FGFR2: variants seen among roughly 807,000 people sequenced by gnomAD.
FGFR2 encodes the protein fibroblast growth factor receptor 2.
In FGFR2, 19 loss-of-function variants were observed where a neutral mutation model predicts 95.9. That is an observed-to-expected ratio of 0.20 (90% CI 0.14 to 0.29). The LOEUF (loss-of-function observed/expected upper bound fraction) is 0.29. Ranked by LOEUF, FGFR2 falls within the 10% of genes least tolerant of loss-of-function variation. The pLI, the probability that FGFR2 is intolerant of heterozygous loss-of-function variation, is 1.00. For synonymous variants in FGFR2, 392 were observed against 393.3 expected (o/e 1.00, Z 0.04); for missense variants, 707 against 1,056.9 (o/e 0.67, Z 4.59).
Position 121,485,598 on chromosome 10 carries a change from A to C in FGFR2, c.2058-66T>G. On this transcript the variant is annotated intron_variant, in intron 15 of 17. Coordinates refer to ENST00000358487, the MANE Select transcript of FGFR2 (RefSeq NM_000141.5). The surrounding 1 kb of genome is among the most constrained non-coding windows in gnomAD (Gnocchi z 4.2). ...ACGTTGCCAAAACCTAAACACGCCC[A>C]GCTGAGACATAAACACCTCCTCACT... is the stretch of plus-strand genomic sequence containing the variant. 6.2e-7 allele frequency: 1 copy of C among 1,609,528 alleles called. No homozygotes were observed. The highest frequency in any genetic ancestry group is 8.5e-7 in the Non-Finnish European group (1 of 1,176,942).
At chr10:121,524,109 C>G (rs976721217) in intron 6 of FGFR2, among the ~76,000 whole-genome samples, 2 of 81,424 alleles carry the variant, frequency 2.5e-5, no homozygotes, top group Non-Finnish European at 7.0e-5. Context: ...TATACACACA[C>G]ACACACACAC....
At chr10:121,589,205 C>T (rs966927592) in intron 2 of FGFR2, among the ~76,000 whole-genome samples, 5 of 152,162 alleles carry the variant, frequency 3.3e-5, no homozygotes, top group African/African-American at 9.7e-5. Flanking sequence ...GACTAAAATT[C>T]GCTTCCATGG....
In FGFR2 at chr10:121,593,795, A is replaced by C. The variant is rs147307031; in HGVS notation, c.23T>G (p.Ile8Ser). The C allele has an allele frequency of 1.8e-4, 292 of 1,614,216 alleles. 2 individuals carry two copies. The African/African-American group carries it at 3.6e-3, about 20-fold the overall frequency. Residue 8 changes from isoleucine (I) to serine (S), a missense_variant, in exon 2 of 18, where the codon ATC becomes AGC. Physicochemically the swap from Ile to Ser is moderately radical, Grantham distance 142. Transcript: ENST00000358487. The part of the protein sequence containing the change: MVSWGRF[I>S]CLVVVTMATL... ...TGCCATGGTGACCACGACCAGGCAG[A>C]TGAAACGACCCCAGCTGACCATGGT...
At chr10:121,568,064 T>C (rs1033081714) in intron 2 of FGFR2, among the ~76,000 whole-genome samples, 1 of 152,136 alleles carries the variant, frequency 6.6e-6, no homozygotes, top group Non-Finnish European at 1.5e-5. Flanking sequence ...ATTGAGTGAC[T>C]AATAGAAATA....
At chr10:121,572,399 T>A (rs1205999072) in intron 2 of FGFR2, among the ~76,000 whole-genome samples, 1 of 152,044 alleles carries the variant, frequency 6.6e-6, no homozygotes, top group African/African-American at 2.4e-5. Flanking sequence ...AGCGAGTGGA[T>A]CACCTGAGAT....
At chr10:121,499,529 A>G (rs1333531106) in intron 11 of FGFR2, among the ~76,000 whole-genome samples, 3 of 152,270 alleles carry the variant, frequency 2.0e-5, no homozygotes, top group Admixed American at 6.5e-5. Context: ...ACACGCCACA[A>G]TGGCTTGGGG....
chr10:121,589,831 T>C (rs544179593), intron 2 of FGFR2, among the ~76,000 whole-genome samples: 1 of 152,244 alleles, frequency 6.6e-6, no homozygotes, highest in African/African-American at 2.4e-5. Context: ...TACAGTCAAC[T>C]CTTAAATATT....
At chr10:121,591,805 A>G (rs757342403) in intron 2 of FGFR2, among the ~76,000 whole-genome samples, 59 of 152,314 alleles carry the variant, frequency 3.9e-4, no homozygotes, top group Non-Finnish European at 4.6e-4. Flanking sequence ...TTCCTGATCC[A>G]TAAGTGCATC....
chr10:121,544,399 GCA>G (rs1233986521), intron 5 of FGFR2, among the ~76,000 whole-genome samples: 1 of 147,806 alleles, frequency 6.8e-6, no homozygotes, highest in East Asian at 2.0e-4. Flanking sequence ...AGCCAAGGTT[GCA>G]CCACTGCACT....
rs79714551 is a variant in FGFR2 at position 121,492,221 on chromosome 10, G to T, written c.1864-4108C>A. 4.4e-3 allele frequency among the ~76,000 whole-genome samples: 665 copies of T among 152,276 alleles called. 11 individuals are homozygous for T. The East Asian group carries it at 0.045, about 10-fold the overall frequency. The stretch of plus-strand genomic sequence containing the variant: ...ACTGCTCAGGTTTAACACTTTGAGG[G>T]TTAACTGGGTTTGGGATTTGGTTAA... On this transcript the variant is annotated intron_variant, in intron 13 of 17. Transcript: ENST00000358487.
At position 121,480,021 on chromosome 10, in the gene FGFR2, C is replaced by T. The variant is rs763622845; in HGVS notation, c.2302G>A (p.Glu768Lys). ...AGAGGTTGGCTGAGGTCCAAGTATT[C>T]CTGAAAGAAGGGAAGAGAGACGTTT... is the stretch of plus-strand genomic sequence containing the variant. ...DRILTLTTNE[E>K]YLDLSQPLEQ... Residue 768 changes from glutamate (E) to lysine (K), a missense_variant and splice_region_variant, in exon 18 of 18, where the codon GAA becomes AAA. By Grantham distance (56) the Glu-to-Lys change is moderately conservative. Coordinates refer to ENST00000358487, the MANE Select transcript of FGFR2 (RefSeq NM_000141.5). 5 of 1,613,738 alleles carry T rather than the reference C, an allele frequency of 3.1e-6. No homozygotes were observed. In the South Asian group the frequency reaches 5.5e-5, roughly 18 times the overall value.
chr10:121,520,689 C>G (rs568480224), intron 6 of FGFR2, among the ~76,000 whole-genome samples: 2 of 152,290 alleles, frequency 1.3e-5, no homozygotes, highest in South Asian at 4.1e-4. Flanking sequence ...ATTGCCCAGG[C>G]TGGAGTGCAG....
rs1276804446 is a variant in FGFR2 at position 121,582,042 on chromosome 10, C to T, written c.109+11667G>A. 2.0e-5 allele frequency among the ~76,000 whole-genome samples: 3 copies of T among 151,964 alleles called. No homozygotes were observed. In the East Asian group the frequency reaches 5.8e-4, roughly 29 times the overall value. On this transcript the variant is annotated intron_variant, in intron 2 of 17. Coordinates refer to ENST00000358487, the MANE Select transcript of FGFR2 (RefSeq NM_000141.5). The stretch of plus-strand genomic sequence containing the variant: ...CTGCCTCCCAGGTTCAAAGATTCTC[C>T]TGCCTCCGCCCCCCAAGTACCTGGG...
chr10:121,485,549 A>G lies in FGFR2; in HGVS notation c.2058-17T>C. On this transcript the variant is annotated splice_polypyrimidine_tract_variant and intron_variant, in intron 15 of 17. Coordinates refer to ENST00000358487, the MANE Select transcript of FGFR2 (RefSeq NM_000141.5). The surrounding 1 kb of genome is among the most constrained non-coding windows in gnomAD (Gnocchi z 4.2). The stretch of plus-strand genomic sequence containing the variant: ...AAGGACCAGCTGCAACAAAAGGAGA[A>G]AGCACGGCATTACTAACCCATCCAC... 2 of 1,614,080 alleles carry G rather than the reference A, an allele frequency of 1.2e-6. No homozygotes were observed. The highest frequency in any genetic ancestry group is 1.7e-6 in the Non-Finnish European group (2 of 1,179,978).
At chr10:121,524,702 G>A (rs1409745054) in intron 6 of FGFR2, among the ~76,000 whole-genome samples, 1 of 152,232 alleles carries the variant, frequency 6.6e-6, no homozygotes, top group African/African-American at 2.4e-5. Context: ...GGTGATGGCA[G>A]GGTGCAGATG....
rs367811572 is a variant in FGFR2, at chr10:121,505,155, C to A, written c.1288-1214G>T. ...ACTTTCACAGGGTGGGTCCTGGGCTCTTCTCACAGGGAACCAGAGGACCTG... is the reference window on the plus strand; with the variant it reads ...ACTTTCACAGGGTGGGTCCTGGGCTATTCTCACAGGGAACCAGAGGACCTG... On this transcript the variant is annotated intron_variant, in intron 9 of 17. Transcript: ENST00000358487. 6.6e-5 allele frequency among the ~76,000 whole-genome samples: 10 copies of A among 152,302 alleles called. 1 individual carries two copies. The highest frequency in any genetic ancestry group is 5.2e-4 in the Admixed American group (8 of 15,302).
intron 9 of FGFR2, among the ~76,000 whole-genome samples, chr10:121,504,338 C>G (rs906808109): frequency 6.6e-6 from 1 of 152,164 alleles, no homozygotes; most frequent in Non-Finnish European, 1.5e-5. Flanking sequence ...TCTCAGACCA[C>G]CCGGATCATG....
chr10:121,480,963 TA>T (rs1207684058), intron 17 of FGFR2, among the ~76,000 whole-genome samples: 2 of 152,040 alleles, frequency 1.3e-5, no homozygotes, highest in African/African-American at 4.8e-5. Flanking sequence ...TTAAAATGAA[TA>T]AAATTTATAT....
At chr10:121,562,255 ACT>A (rs113788918) in intron 4 of FGFR2, among the ~76,000 whole-genome samples, 10,698 of 152,040 alleles carry the variant, frequency 0.07, 1,267 homozygotes, top group African/African-American at 0.24. Context: ...TTTATTTGCA[ACT>A]GTCAAAACTT....
Sources: allele counts gnomAD v4.1 joint callset (sites outside exome capture counted in the v4.1 genomes callset), GRCh38; gene constraint gnomAD v4.1.1; non-coding constraint Gnocchi (gnomAD v3.1); transcripts MANE v1.5; gene names NCBI Gene and HGNC (gene_info 2026-07-23, HGNC 2026-07-21).